The following CBLN2 variants were observed in gnomAD, a reference collection of about 807,000 sequenced individuals.
The protein encoded by CBLN2 is cerebellin-2.
In CBLN2, 7 loss-of-function variants were observed where a neutral mutation model predicts 15.0. The ratio of observed to expected loss-of-function variants is 0.47; its 90% CI spans 0.27 to 0.88. The LOEUF is 0.88. Ranked by LOEUF, CBLN2 falls within the 40% of genes least tolerant of loss-of-function variation. The pLI, the probability that CBLN2 is intolerant of heterozygous loss-of-function variation, is 0.14. For synonymous variants in CBLN2, 149 were observed against 135.2 expected, an observed-to-expected ratio of 1.10 and a Z score of -0.71; for missense variants, 242 against 304.5, an observed-to-expected ratio of 0.79 and a Z score of 1.53.
chr18:72,541,762 T>A, intron 3 of CBLN2, 42 bp downstream of exon 3: 1 of 1,477,932 alleles, frequency 6.8e-7, no homozygotes, highest in South Asian at 1.3e-5. Flanking sequence ...TCCCCGCCCC[T>A]CTCCCCGGGC....
chr18:72,538,416 A>G (rs370176390), intron 4 of CBLN2, 43 bp from the exon 5 acceptor site: 210 of 1,595,096 alleles, frequency 1.3e-4, no homozygotes, highest in Non-Finnish European at 1.7e-4. Flanking sequence ...TAAAGCACCC[A>G]ACTCCCACAC....
intron 1 of CBLN2, among the ~76,000 whole-genome samples, chr18:72,629,798 A>G (rs903634211): frequency 6.6e-6 from 1 of 152,186 alleles, no homozygotes; most frequent in Non-Finnish European, 1.5e-5. Flanking sequence ...AGAAAAGACA[A>G]TGTAAAAAAT....
chr18:72,538,527 G>T, intron 4 of CBLN2, 126 bp downstream of exon 4: 1 of 1,456,858 alleles, frequency 6.9e-7, no homozygotes, highest in Non-Finnish European at 9.5e-7. Flanking sequence ...CTAGTTCAGA[G>T]CCACATCACC....
intron 4 of CBLN2, 120 bp downstream of exon 4, chr18:72,538,533 T>A: frequency 6.8e-7 from 1 of 1,470,906 alleles, no homozygotes; most frequent in Non-Finnish European, 9.4e-7. Flanking sequence ...CAGAGCCACA[T>A]CACCCCCTGG....
At chr18:72,631,556 CTT>C (rs762278516) in intron 1 of CBLN2, among the ~76,000 whole-genome samples, 7 of 152,130 alleles carry the variant, frequency 4.6e-5, no homozygotes, top group Non-Finnish European at 1.0e-4. Flanking sequence ...TGGGGTGACT[CTT>C]TATCTCCCAC....
At chr18:72,602,966 G>C (rs2069558880) in intron 1 of CBLN2, among the ~76,000 whole-genome samples, 1 of 152,144 alleles carries the variant, frequency 6.6e-6, no homozygotes. Context: ...TGGTGTGCTG[G>C]AGGCAAATAG....
intron 1 of CBLN2, among the ~76,000 whole-genome samples, chr18:72,555,130 G>GTCTTTAAAA (rs1224846146): frequency 6.7e-6 from 1 of 149,200 alleles, no homozygotes; most frequent in East Asian, 1.9e-4. Context: ...ACGAGATTCT[G>GTCTTTAAAA]TCTTTAAAAA....
intron 1 of CBLN2, among the ~76,000 whole-genome samples, chr18:72,615,219 T>TAA (rs2069651745): frequency 7.3e-6 from 1 of 137,658 alleles, no homozygotes; most frequent in African/African-American, 2.7e-5. Context: ...TGTGTATATA[T>TAA]ATGTACATAT....
intron 1 of CBLN2, among the ~76,000 whole-genome samples, chr18:72,587,762 C>T (rs983800263): frequency 6.6e-5 from 10 of 152,144 alleles, no homozygotes; most frequent in Non-Finnish European, 4.4e-5. Flanking sequence ...TGCAATATAG[C>T]TAGTGTCTAA....
At chr18:72,575,211 T>C (rs1260011154) in intron 1 of CBLN2, among the ~76,000 whole-genome samples, 3 of 152,104 alleles carry the variant, frequency 2.0e-5, no homozygotes, top group Non-Finnish European at 1.5e-5. Context: ...ATGGAGGGTC[T>C]GGCATTGTTG....
chr18:72,562,947 T>C (rs1297034571), intron 1 of CBLN2, among the ~76,000 whole-genome samples: 3 of 152,250 alleles, frequency 2.0e-5, no homozygotes, highest in Non-Finnish European at 4.4e-5. Context: ...GAACCTAGAA[T>C]TCCTTTTCCA....
At chr18:72,587,053 CA>C (rs2069448656) in intron 1 of CBLN2, among the ~76,000 whole-genome samples, 1 of 151,832 alleles carries the variant, frequency 6.6e-6, no homozygotes, top group African/African-American at 2.4e-5. Flanking sequence ...AGCGTATCAT[CA>C]ACATTCTAAT....
At chr18:72,576,439 T>C (rs1437996706) in intron 1 of CBLN2, among the ~76,000 whole-genome samples, 8 of 152,156 alleles carry the variant, frequency 5.3e-5, no homozygotes, top group Non-Finnish European at 7.4e-5. Flanking sequence ...GGTTATATCA[T>C]AATGAAAACA....
In CBLN2 at chr18:72,537,518, G is replaced by C. The variant is rs1171066036; in HGVS notation, c.*658C>G. 6.5e-6 allele frequency: 1 copy of C among 152,692 alleles called. No homozygotes were observed. Among genetic ancestry groups the C allele is most frequent in the East Asian group, 1.9e-4 (1 of 5,178 alleles). The allele number at this position is 152,692 out of a possible 1,614,324, so 9.5% of individuals were successfully genotyped here. A position where few individuals can be genotyped will look rare whatever the true frequency, so the allele number is the denominator to read the frequency against. On this transcript the variant is annotated 3_prime_UTR_variant, in exon 5 of 5. Transcript: ENST00000269503. ...GGGAGAGCTGAGTGTGGAAAGAAAA[G>C]TAAAGCTTTTCAAGAAAAAACACAA... is the stretch of plus-strand genomic sequence containing the variant.
chr18:72,609,088 G>A (rs1307459739), intron 1 of CBLN2, among the ~76,000 whole-genome samples: 1 of 152,126 alleles, frequency 6.6e-6, no homozygotes, highest in Non-Finnish European at 1.5e-5. Context: ...ACCCATATCA[G>A]GCCTCAACAG....
At chr18:72,564,681 A>C (rs1326873272) in intron 1 of CBLN2, among the ~76,000 whole-genome samples, 2 of 152,182 alleles carry the variant, frequency 1.3e-5, no homozygotes, top group Non-Finnish European at 2.9e-5. Context: ...AAATATTTGC[A>C]TTGTGAGAAT....
At chr18:72,588,579 A>G (rs971186771) in intron 1 of CBLN2, among the ~76,000 whole-genome samples, 1 of 152,242 alleles carries the variant, frequency 6.6e-6, no homozygotes, top group African/African-American at 2.4e-5. Flanking sequence ...AGAAACTCCC[A>G]GACTAGCGGG....
chr18:72,597,627 GGA>G (rs1418063192), intron 1 of CBLN2, among the ~76,000 whole-genome samples: 2 of 152,112 alleles, frequency 1.3e-5, no homozygotes, highest in African/African-American at 4.8e-5. Context: ...TTCTCTTCAG[GGA>G]GACAAGTTCC....
At chr18:72,614,815 C>T (rs1012015304) in intron 1 of CBLN2, among the ~76,000 whole-genome samples, 2 of 151,614 alleles carry the variant, frequency 1.3e-5, no homozygotes, top group Admixed American at 1.3e-4. Context: ...TATACACTCA[C>T]CAAGCTAATG....
Sources: gnomAD v4.1 joint callset for allele counts (sites outside exome capture counted in the v4.1 genomes callset) on GRCh38, gnomAD v4.1.1 for gene constraint, MANE v1.5 for transcripts, NCBI Gene and HGNC (gene_info 2026-07-23, HGNC 2026-07-21) for gene names.